The following DPP10 variants were observed in gnomAD, a reference collection of about 807,000 sequenced individuals.
DPP10 encodes dipeptidyl peptidase like 10, also known as inactive dipeptidyl peptidase 10.
DPP10 carries 33 observed loss-of-function variants against 120.9 expected under a neutral mutation model. The observed-to-expected ratio is 0.27, with a 90% CI of 0.21 to 0.37. The LOEUF is 0.37. Among genes scored for constraint, DPP10 ranks in the 10% least tolerant of loss-of-function variants. The probability of loss-of-function intolerance (pLI) is 1.00; values close to 1 mark genes in which losing one functional copy is unlikely to be tolerated. For missense variants in DPP10, 816 were observed against 942.8 expected (o/e 0.87, Z 1.76); for synonymous variants, 337 against 326.1 (o/e 1.03, Z -0.36).
intron 17 of DPP10, among the ~76,000 whole-genome samples, chr2:115,788,257 C>T (rs577824852): frequency 6.6e-6 from 1 of 152,114 alleles, no homozygotes; most frequent in Non-Finnish European, 1.5e-5. Context: ...GGGGTTACTA[C>T]AGTTGTGATT....
intron 3 of DPP10, among the ~76,000 whole-genome samples, chr2:115,380,774 C>A (rs1475126759): frequency 6.6e-6 from 1 of 152,058 alleles, no homozygotes; most frequent in Non-Finnish European, 1.5e-5. Flanking sequence ...TCAGCATTTG[C>A]TTGTCCGCAA....
chr2:115,394,977 C>T (rs558096317), intron 3 of DPP10, among the ~76,000 whole-genome samples: 3 of 152,158 alleles, frequency 2.0e-5, no homozygotes, highest in Non-Finnish European at 4.4e-5. Flanking sequence ...GTGAGTTCTC[C>T]TAATGCATAC....
intron 3 of DPP10, among the ~76,000 whole-genome samples, chr2:115,374,930 G>A (rs1425597070): frequency 2.0e-5 from 3 of 152,254 alleles, no homozygotes; most frequent in East Asian, 1.9e-4. Context: ...CTCTGGGCCT[G>A]TGATGGGAGG....
chr2:115,643,398 A>G (rs2086950936), intron 5 of DPP10, among the ~76,000 whole-genome samples: 1 of 152,212 alleles, frequency 6.6e-6, no homozygotes, highest in Non-Finnish European at 1.5e-5. Context: ...TAGTAGCAGC[A>G]TGAAAAATTG....
At chr2:115,371,626 A>G (rs2065416857) in intron 3 of DPP10, among the ~76,000 whole-genome samples, 1 of 151,982 alleles carries the variant, frequency 6.6e-6, no homozygotes, top group African/African-American at 2.4e-5. Flanking sequence ...TCCCAGTATT[A>G]TTTTTTTCTT....
chr2:115,831,334 T>C (rs538772751), intron 21 of DPP10, among the ~76,000 whole-genome samples: 1 of 152,176 alleles, frequency 6.6e-6, no homozygotes, highest in South Asian at 2.1e-4. Flanking sequence ...CTGCAACCTC[T>C]GCCTCCTGGG....
intron 1 of DPP10, among the ~76,000 whole-genome samples, chr2:114,454,509 C>T (rs1185659475): frequency 6.6e-6 from 1 of 152,132 alleles, no homozygotes; most frequent in Non-Finnish European, 1.5e-5. Flanking sequence ...TTGAGTGTCT[C>T]CTAACTCTCA....
intron 1 of DPP10, among the ~76,000 whole-genome samples, chr2:114,465,433 A>G (rs1246031382): frequency 6.6e-6 from 1 of 151,940 alleles, no homozygotes; most frequent in Non-Finnish European, 1.5e-5. Flanking sequence ...GAGCTTTTCT[A>G]TTCCATCTAC....
rs563353936 is a variant in DPP10, at chr2:114,641,937, C to T, written c.60+199099C>T. Among the ~76,000 whole-genome samples, 86 of 151,902 alleles carry T rather than the reference C, an allele frequency of 5.7e-4. 1 individual carries two copies. The highest frequency in any genetic ancestry group is 1.7e-3 in the African/African-American group (71 of 41,222). On this transcript the variant is annotated intron_variant, in intron 1 of 25. Transcript: ENST00000410059. Reference sequence around the variant, plus strand: ...TAGTTTTAGCGTGACAAAGCAGATACACTTTTTCACTTTTAAAAAAAATCA... The same window carrying T: ...TAGTTTTAGCGTGACAAAGCAGATATACTTTTTCACTTTTAAAAAAAATCA...
chr2:114,595,413 C>T (rs1429641493), intron 1 of DPP10, among the ~76,000 whole-genome samples: 1 of 152,062 alleles, frequency 6.6e-6, no homozygotes, highest in Non-Finnish European at 1.5e-5. Context: ...GGATGGTTGT[C>T]TCTGAAATAT....
chr2:115,097,464 T>G (rs2048459911), intron 1 of DPP10, among the ~76,000 whole-genome samples: 1 of 152,222 alleles, frequency 6.6e-6, no homozygotes, highest in Admixed American at 6.5e-5. Flanking sequence ...ATATCATGAC[T>G]GTGATTGGCT....
At chr2:114,983,098 TA>T (rs1373471328) in intron 1 of DPP10, among the ~76,000 whole-genome samples, 2 of 152,210 alleles carry the variant, frequency 1.3e-5, no homozygotes, top group Non-Finnish European at 2.9e-5. Flanking sequence ...AATGATGCAT[TA>T]TATACACTTG....
intron 1 of DPP10, among the ~76,000 whole-genome samples, chr2:115,076,911 C>T (rs747555655): frequency 3.3e-5 from 5 of 152,210 alleles, no homozygotes; most frequent in Non-Finnish European, 7.3e-5. Context: ...TTTACTATCA[C>T]ACTGCTATAT....
At chr2:115,389,274 CACAA>C (rs2106531872) in intron 3 of DPP10, among the ~76,000 whole-genome samples, 1 of 87,116 alleles carries the variant, frequency 1.1e-5, no homozygotes, top group African/African-American at 4.7e-5. Flanking sequence ...CACACACACA[CACAA>C]ACACACACAC....
chr2:115,445,967 G>A (rs983789468), intron 3 of DPP10, among the ~76,000 whole-genome samples: 4 of 151,476 alleles, frequency 2.6e-5, no homozygotes, highest in Non-Finnish European at 4.4e-5. Context: ...GCCCAGCTGC[G>A]GGTCTAGGAG....
intron 1 of DPP10, among the ~76,000 whole-genome samples, chr2:114,642,792 G>A (rs1348063308): frequency 6.6e-6 from 1 of 151,802 alleles, no homozygotes; most frequent in African/African-American, 2.4e-5. Flanking sequence ...TCAACGTATT[G>A]TTGTAGATAC....
At chr2:115,606,532 T>C (rs1014503750) in intron 5 of DPP10, among the ~76,000 whole-genome samples, 2 of 152,172 alleles carry the variant, frequency 1.3e-5, no homozygotes, top group African/African-American at 2.4e-5. Context: ...GTGTTGAATC[T>C]AGCAGCAGAT....
chr2:115,836,543 C>T lies in DPP10; in HGVS notation c.2087C>T (p.Ser696Phe). 1 of 1,613,700 alleles carries T rather than the reference C, an allele frequency of 6.2e-7. No homozygotes were observed. The highest frequency in any genetic ancestry group is 1.3e-5 in the African/African-American group (1 of 75,006). ...AFSERYLGMP[S>F]KEESTYQAAS... ...TCTGAAAGATACCTTGGGATGCCAT[C>T]TAAGGAAGAAAGCACTTACCAGGTA... The change falls in exon 23 of 26, where the codon TCT (serine) becomes TTT (phenylalanine). Residue 696 changes from serine to phenylalanine, a missense_variant. This residue lies in a region of DPP10 where 592 missense variants were observed against 649.0 expected (regional missense o/e 0.91). Transcript: ENST00000410059.
chr2:114,699,284 T>C (rs1436327565), intron 1 of DPP10, among the ~76,000 whole-genome samples: 10 of 149,236 alleles, frequency 6.7e-5, no homozygotes, highest in Non-Finnish European at 8.9e-5. Context: ...CAATCATATA[T>C]ACATATGCGT....
Sources: gnomAD v4.1 joint callset for allele counts (sites outside exome capture counted in the v4.1 genomes callset) on GRCh38, gnomAD v4.1.1 for gene constraint, gnomAD v4.1.1 regional missense constraint, MANE v1.5 for transcripts, NCBI Gene and HGNC (gene_info 2026-07-23, HGNC 2026-07-21) for gene names.